Variants in PCDHGA9 observed in about 807,000 individuals in gnomAD.
PCDHGA9 encodes the protein protocadherin gamma-A9.
A neutral mutation model predicts 62.5 loss-of-function variants in PCDHGA9; 37 were observed. That is an observed-to-expected ratio of 0.59 (90% CI 0.46 to 0.78). The LOEUF (loss-of-function observed/expected upper bound fraction) is 0.78, where lower values mean the gene tolerates loss of function less well. Ranked by LOEUF, PCDHGA9 falls within the 30% of genes least tolerant of loss-of-function variation. PCDHGA9 has a pLI of 0.00. For synonymous variants in PCDHGA9, 459 were observed against 484.6 expected (o/e 0.95, Z 0.69); for missense variants, 1,138 against 1,166.2 (o/e 0.98, Z 0.35).
chr5:141,469,603 GTAAAA>G (rs929191572), intron 1 of PCDHGA9, among the ~76,000 whole-genome samples: 9 of 152,038 alleles, frequency 5.9e-5, no homozygotes, highest in Admixed American at 1.3e-4. Context: ...AACAAAATAA[GTAAAA>G]TAAAATAAAT....
intron 1 of PCDHGA9, among the ~76,000 whole-genome samples, chr5:141,452,713 T>TGAGG (rs2098747318): frequency 6.7e-6 from 1 of 148,530 alleles, no homozygotes; most frequent in Non-Finnish European, 1.5e-5. Flanking sequence ...AAGGAAGGAA[T>TGAGG]GAGGGAGGGA....
chr5:141,470,721 AG>A (rs948288535), intron 1 of PCDHGA9, among the ~76,000 whole-genome samples: 2 of 152,098 alleles, frequency 1.3e-5, no homozygotes, highest in African/African-American at 4.8e-5. Flanking sequence ...TTTTTGAGTC[AG>A]GGTCTTGCTC....
intron 1 of PCDHGA9, chr5:141,421,202 C>A: frequency 1.3e-6 from 2 of 1,519,344 alleles, no homozygotes; most frequent in Non-Finnish European, 1.8e-6. Flanking sequence ...CTCGAGAAAC[C>A]GCGGAATATC....
At chr5:141,488,062 T>C (rs1488970442) in intron 1 of PCDHGA9, among the ~76,000 whole-genome samples, 1 of 152,152 alleles carries the variant, frequency 6.6e-6, no homozygotes, top group Non-Finnish European at 1.5e-5. Flanking sequence ...AAATAAAATC[T>C]TTGTCTCCCA....
chr5:141,404,904 AG>A lies in PCDHGA9; in HGVS notation c.1953del (p.Gln651HisfsTer12). 3.1e-6 allele frequency: 5 copies of A among 1,613,864 alleles called. No individual in the cohort carries two copies. The highest frequency in any genetic ancestry group is 4.2e-6 in the Non-Finnish European group (5 of 1,179,866). On this transcript the variant is annotated frameshift_variant, in exon 1 of 4. Transcript: ENST00000573521. LOFTEE classifies it high-confidence loss of function. ...GTGGTGGCTGTACAGGACCATGGCCAGCCCCCTCTCTCGGCCACTGTCACGC... is the reference window on the plus strand; with the variant it reads ...GTGGTGGCTGTACAGGACCATGGCCACCCCCTCTCTCGGCCACTGTCACGC... ...SLVVAVQDHG[Q>X]PPLSATVTLT...
chr5:141,492,851 C>T (rs1289268967), intron 1 of PCDHGA9, among the ~76,000 whole-genome samples: 2 of 152,204 alleles, frequency 1.3e-5, no homozygotes, highest in Non-Finnish European at 2.9e-5. Flanking sequence ...GTGAAAGCCT[C>T]GAGCGCCCTG....
intron 2 of PCDHGA9, among the ~76,000 whole-genome samples, chr5:141,503,269 C>T (rs1161751693): frequency 6.6e-6 from 1 of 152,116 alleles, no homozygotes; most frequent in Non-Finnish European, 1.5e-5. Flanking sequence ...ACCCCAGCAC[C>T]TGGCTCTGTG....
In PCDHGA9 at chr5:141,490,506, C is replaced by T. The variant is rs967095367; in HGVS notation, c.2425-4301C>T. ...GGGAGGCCACATCCCACTATATCAT[C>T]GAGCTGCTGGCCAGCGATGCTGGTT... is the stretch of plus-strand genomic sequence containing the variant. On this transcript the variant is annotated intron_variant, in intron 1 of 3. Transcript: ENST00000573521. This position sits in a 1 kb window ranked among gnomAD's most constrained non-coding sequence, Gnocchi z 5.4. The T allele has an allele frequency of 1.2e-5, 19 of 1,614,116 alleles. No homozygotes were observed. The highest frequency in any genetic ancestry group is 2.2e-5 in the South Asian group (2 of 91,088).
intron 1 of PCDHGA9, among the ~76,000 whole-genome samples, chr5:141,459,962 C>T (rs994878993): frequency 5.3e-5 from 8 of 152,290 alleles, no homozygotes; most frequent in South Asian, 2.1e-4. Flanking sequence ...CCTGTAATCC[C>T]AGCTACTCAG....
chr5:141,422,876 G>A (rs2096681830), intron 1 of PCDHGA9: 1 of 1,614,248 alleles, frequency 6.2e-7, no homozygotes, highest in Non-Finnish European at 8.5e-7. Context: ...GTGTCGCTGA[G>A]CCTGTTCGTG....
At chr5:141,433,289 G>C in intron 1 of PCDHGA9, 1 of 1,130,682 alleles carries the variant, frequency 8.8e-7, no homozygotes, top group Non-Finnish European at 1.3e-6. Context: ...AAACTCCTAG[G>C]CTCAAGCAAT....
Position 141,491,898 on chromosome 5 carries a change from G to C in PCDHGA9, c.2425-2909G>C, listed in dbSNP as rs772673872. 9.0e-5 allele frequency: 129 copies of C among 1,428,816 alleles called. 1 individual carries two copies. In the Middle Eastern group the frequency reaches 2.0e-3, roughly 22 times the overall value. The allele number at this position is 1,428,816 out of a possible 1,614,324, so 88.5% of individuals were successfully genotyped here. On this transcript the variant is annotated intron_variant, in intron 1 of 3. Coordinates refer to ENST00000573521, the MANE Select transcript of PCDHGA9 (RefSeq NM_018921.3). The surrounding 1 kb of genome is among the most constrained non-coding windows in gnomAD (Gnocchi z 6.9). ...ATTAAGGGATGGGGCTCCGAGCACCGGGGGTGGTGGCGACTGTGGGCGAGG... is the reference window on the plus strand; with the variant it reads ...ATTAAGGGATGGGGCTCCGAGCACCCGGGGTGGTGGCGACTGTGGGCGAGG...
At chr5:141,473,779 T>C (rs2099328680) in intron 1 of PCDHGA9, among the ~76,000 whole-genome samples, 1 of 152,204 alleles carries the variant, frequency 6.6e-6, no homozygotes, top group Non-Finnish European at 1.5e-5. Context: ...GGTATTTTAA[T>C]TCAAGAGCAG....
chr5:141,502,667 T>G (rs2099815574), intron 2 of PCDHGA9, among the ~76,000 whole-genome samples: 1 of 152,236 alleles, frequency 6.6e-6, no homozygotes. Context: ...TTCATGCAAT[T>G]TTAGTATTCC....
intron 1 of PCDHGA9, chr5:141,413,901 C>T (rs375828969): frequency 1.5e-5 from 24 of 1,613,244 alleles, no homozygotes; most frequent in African/African-American, 1.1e-4. Context: ...CAAATGACAA[C>T]GCGCCGGTCT....
At chr5:141,416,405 T>C (rs948190812) in intron 1 of PCDHGA9, 1 of 152,200 alleles carries the variant, frequency 6.6e-6, no homozygotes, top group Non-Finnish European at 1.5e-5. Context: ...TTTGTCTTTT[T>C]TGTTAAATTT....
intron 1 of PCDHGA9, among the ~76,000 whole-genome samples, chr5:141,446,325 T>G (rs1440954528): frequency 3.9e-5 from 6 of 152,124 alleles, no homozygotes; most frequent in African/African-American, 1.4e-4. Flanking sequence ...GTTTCCACAT[T>G]AAGGAACTGG....
At chr5:141,435,593 G>A (rs183768133) in intron 1 of PCDHGA9, among the ~76,000 whole-genome samples, 9 of 152,112 alleles carry the variant, frequency 5.9e-5, no homozygotes, top group Admixed American at 2.6e-4. Flanking sequence ...CAGTAATATC[G>A]CCTGCTTTTT....
intron 1 of PCDHGA9, among the ~76,000 whole-genome samples, chr5:141,474,130 C>G (rs28684928): frequency 6.6e-6 from 1 of 152,160 alleles, no homozygotes; most frequent in Non-Finnish European, 1.5e-5. Context: ...TCTCAGAAAA[C>G]TACAGGCCTT....
Sources: gnomAD v4.1 joint callset for allele counts (sites outside exome capture counted in the v4.1 genomes callset) on GRCh38, gnomAD v4.1.1 for gene constraint, Gnocchi (gnomAD v3.1) non-coding constraint, MANE v1.5 for transcripts, NCBI Gene and HGNC (gene_info 2026-07-23, HGNC 2026-07-21) for gene names.